PCDHGA10: variants seen among roughly 807,000 people sequenced by gnomAD.
PCDHGA10 encodes protocadherin gamma subfamily A, 10, also known as protocadherin gamma-A10.
PCDHGA10 carries 42 observed loss-of-function variants against 59.5 expected under a neutral mutation model. The ratio of observed to expected loss-of-function variants is 0.71; its 90% CI spans 0.55 to 0.91. The LOEUF (loss-of-function observed/expected upper bound fraction) is 0.91, where lower values mean the gene tolerates loss of function less well. PCDHGA10 is among the 40% of genes least tolerant of loss of function. The pLI is 0.00. For missense variants in PCDHGA10, 1,111 were observed against 1,198.2 expected (o/e 0.93, Z 1.07); for synonymous variants, 511 against 517.2 (o/e 0.99, Z 0.16).
intron 1 of PCDHGA10, chr5:141,428,374 C>G: frequency 1.9e-6 from 1 of 530,640 alleles, no homozygotes; most frequent in South Asian, 1.9e-5. Context: ...CTTGCACCTG[C>G]GATGCTCTTC....
At chr5:141,429,378 T>TTTG (rs2097208019) in intron 1 of PCDHGA10, among the ~76,000 whole-genome samples, 1 of 105,336 alleles carries the variant, frequency 9.5e-6, no homozygotes, top group African/African-American at 5.2e-5. Flanking sequence ...AGAAAATGTG[T>TTTG]TTTTTTTTTA....
chr5:141,495,424 A>C (rs927637242), intron 2 of PCDHGA10, among the ~76,000 whole-genome samples: 1 of 152,088 alleles, frequency 6.6e-6, no homozygotes, highest in African/African-American at 2.4e-5. Context: ...CCCTCCTCCC[A>C]CTGTCCTCTG....
chr5:141,454,618 C>T (rs1259161504), intron 1 of PCDHGA10, among the ~76,000 whole-genome samples: 1 of 151,470 alleles, frequency 6.6e-6, no homozygotes, highest in Non-Finnish European at 1.5e-5. Flanking sequence ...GTTGGTCAGG[C>T]TGGTCTCGAA....
Position 141,477,161 on chromosome 5 carries a change from G to A in PCDHGA10, c.2437-17646G>A, listed in dbSNP as rs761453939. On this transcript the variant is annotated intron_variant, in intron 1 of 3. Transcript: ENST00000398610. The surrounding 1 kb of genome is among the most constrained non-coding windows in gnomAD (Gnocchi z 4.9). ...GGAGGTTGTGGATGTGAATGACAAC[G>A]CCCCGGAGATCACAGTCACCTCCGT... 1.9e-6 allele frequency: 3 copies of A among 1,613,988 alleles called. No individual in the cohort carries two copies. The highest frequency in any genetic ancestry group is 2.7e-5 in the African/African-American group (2 of 74,904).
In PCDHGA10 at chr5:141,432,612, C is replaced by T. The variant is rs752901891; in HGVS notation, c.2436+17001C>T. 1.9e-6 allele frequency: 3 copies of T among 1,613,912 alleles called. No individual in the cohort carries two copies. The highest frequency in any genetic ancestry group is 2.5e-6 in the Non-Finnish European group (3 of 1,179,970). On this transcript the variant is annotated intron_variant, in intron 1 of 3. Transcript: ENST00000398610. The surrounding 1 kb of genome is among the most constrained non-coding windows in gnomAD (Gnocchi z 6.0). ...AAGGCCAGCGAGCCGGGACTCTTCT[C>T]GGTGGGTCTGCACACGGGCGAGGTG...
chr5:141,484,866 C>A (rs1474623432), intron 1 of PCDHGA10: 9 of 275,500 alleles, frequency 3.3e-5, no homozygotes, highest in Non-Finnish European at 5.5e-5. Context: ...GGTGGGGGAG[C>A]GTGGAGGATA....
rs1317717658 is a variant in PCDHGA10, at chr5:141,476,494, G to A, written c.2437-18313G>A. On this transcript the variant is annotated intron_variant, in intron 1 of 3. Coordinates refer to ENST00000398610, the MANE Select transcript of PCDHGA10 (RefSeq NM_018913.3). The surrounding 1 kb of genome is among the most constrained non-coding windows in gnomAD (Gnocchi z 7.6). ...TGTTCAGCGTGGAAGTGGTGATCCA[G>A]GACATCAACGACAACAATCCTGCTT... The A allele has an allele frequency of 6.2e-7, 1 of 1,614,012 alleles. No individual in the cohort carries two copies. The highest frequency in any genetic ancestry group is 8.5e-7 in the Non-Finnish European group (1 of 1,179,988).
intron 1 of PCDHGA10, chr5:141,422,541 T>G: frequency 6.2e-7 from 1 of 1,613,992 alleles, no homozygotes; most frequent in Non-Finnish European, 8.5e-7. Context: ...CAGAAACTCA[T>G]GTCTGGCTGA....
rs578221269 is a variant in PCDHGA10 at position 141,415,098 on chromosome 5, G to T, written c.1923G>T (p.Ala641=). The T allele has an allele frequency of 1.9e-5, 31 of 1,613,588 alleles. No homozygotes were observed. Among genetic ancestry groups the T allele is most frequent in the African/African-American group, 1.7e-4 (13 of 75,070 alleles). ...RTARALLDRD[A]LKQSLVVAVQ... ...CGCGAGCCCTGCTGGACAGAGACGC[G>T]CTCAAGCAAAGCCTCGTAGTGGCCG... Residue 641 remains alanine, a synonymous_variant, in exon 1 of 4, where the codon GCG becomes GCT. Coordinates refer to ENST00000398610, the MANE Select transcript of PCDHGA10 (RefSeq NM_018913.3).
At chr5:141,468,853 G>C (rs893773356) in intron 1 of PCDHGA10, among the ~76,000 whole-genome samples, 5 of 150,898 alleles carry the variant, frequency 3.3e-5, no homozygotes, top group Non-Finnish European at 7.4e-5. Flanking sequence ...GCAACAGAGC[G>C]AGACTCCATC....
intron 1 of PCDHGA10, among the ~76,000 whole-genome samples, chr5:141,445,738 T>G (rs553879167): frequency 9.9e-5 from 15 of 152,122 alleles, no homozygotes; most frequent in Non-Finnish European, 1.9e-4. Context: ...AAAGATCTTT[T>G]TAAAAAATAA....
In PCDHGA10 at chr5:141,414,679, G is replaced by T; in HGVS notation, c.1504G>T (p.Gly502Trp). The T allele has an allele frequency of 6.2e-7, 1 of 1,613,960 alleles. No homozygotes were observed. Among genetic ancestry groups the T allele is most frequent in the South Asian group, 1.1e-5 (1 of 91,084 alleles). Residue 502 changes from glycine (G) to tryptophan (W), a missense_variant, in exon 1 of 4, where the codon GGG becomes TGG. Coordinates refer to ENST00000398610, the MANE Select transcript of PCDHGA10 (RefSeq NM_018913.3). ...IYSLAEDTIQ[G>W]VPLSSYISIN... ...CTCCCTGGCTGAAGACACCATCCAG[G>T]GGGTACCTCTGTCCTCATACATATC... is the stretch of plus-strand genomic sequence containing the variant.
At chr5:141,504,961 G>A (rs995382728) in intron 2 of PCDHGA10, among the ~76,000 whole-genome samples, 2 of 151,928 alleles carry the variant, frequency 1.3e-5, no homozygotes, top group Non-Finnish European at 2.9e-5. Flanking sequence ...TCAATGCATT[G>A]GACCAGCCTG....
chr5:141,445,311 G>A (rs2098463310), intron 1 of PCDHGA10, among the ~76,000 whole-genome samples: 1 of 152,150 alleles, frequency 6.6e-6, no homozygotes, highest in East Asian at 1.9e-4. Flanking sequence ...CAGTTTGTAG[G>A]TTGAGAGAAC....
At position 141,491,825 on chromosome 5, in the gene PCDHGA10, C is replaced by A. The variant is rs948385010; in HGVS notation, c.2437-2982C>A. ...CGGCTTGGTCGCTGGCTGCGCTCCA[C>A]CCGATTCTCGGGATCATTGGACCGT... On this transcript the variant is annotated intron_variant, in intron 1 of 3. Coordinates refer to ENST00000398610, the MANE Select transcript of PCDHGA10 (RefSeq NM_018913.3). This position sits in a 1 kb window ranked among gnomAD's most constrained non-coding sequence, Gnocchi z 6.9. 145 of 1,478,052 alleles carry A rather than the reference C, an allele frequency of 9.8e-5. No homozygotes were observed. Among genetic ancestry groups the A allele is most frequent in the Non-Finnish European group, 1.3e-4 (142 of 1,114,822 alleles). 91.6% of individuals were successfully genotyped at this position (1,478,052 alleles called of 1,614,324 possible). A position where few individuals can be genotyped will look rare whatever the true frequency, so the allele number is the denominator to read the frequency against.
intron 1 of PCDHGA10, chr5:141,422,899 G>A: frequency 2.5e-6 from 4 of 1,614,234 alleles, no homozygotes; most frequent in Non-Finnish European, 3.4e-6. Flanking sequence ...GGACCAGAAC[G>A]ACAATGCGCC....
chr5:141,488,939 T>C (rs1229571704), intron 1 of PCDHGA10, among the ~76,000 whole-genome samples: 1 of 152,114 alleles, frequency 6.6e-6, no homozygotes, highest in Non-Finnish European at 1.5e-5. Context: ...GGAAACTCCA[T>C]AATTGGTTGA....
At chr5:141,448,887 G>T (rs1160586933) in intron 1 of PCDHGA10, among the ~76,000 whole-genome samples, 1 of 152,172 alleles carries the variant, frequency 6.6e-6, no homozygotes, top group East Asian at 1.9e-4. Flanking sequence ...GGAGCTTGCA[G>T]TGAGCCGAGA....
At chr5:141,433,995 C>G (rs995723859) in intron 1 of PCDHGA10, among the ~76,000 whole-genome samples, 1 of 152,028 alleles carries the variant, frequency 6.6e-6, no homozygotes, top group Non-Finnish European at 1.5e-5. Context: ...GTTTTATATT[C>G]TCTATATATG....
Sources: allele counts gnomAD v4.1 joint callset (sites outside exome capture counted in the v4.1 genomes callset), GRCh38; gene constraint gnomAD v4.1.1; non-coding constraint Gnocchi (gnomAD v3.1); transcripts MANE v1.5; gene names NCBI Gene and HGNC (gene_info 2026-07-23, HGNC 2026-07-21).